IARS1: variants seen among roughly 807,000 people sequenced by gnomAD.
IARS1 encodes isoleucine--tRNA ligase, cytoplasmic.
IARS1 carries 124 observed loss-of-function variants against 168.2 expected under a neutral mutation model. The observed-to-expected ratio is 0.74, with a 90% confidence interval of 0.64 to 0.86. The LOEUF is 0.86. Ranked by LOEUF, IARS1 falls within the 40% of genes least tolerant of loss-of-function variation. The pLI is 0.00. For synonymous variants in IARS1, 532 were observed against 529.4 expected (o/e 1.00, Z -0.07); for missense variants, 1,452 against 1,515.8 (o/e 0.96, Z 0.70).
At chr9:92,243,191 G>A in intron 28 of IARS1, 25 bp downstream of exon 28, 1 of 1,573,278 alleles carries the variant, frequency 6.4e-7, no homozygotes. Flanking sequence ...CAAAACAGTA[G>A]CTTATTCTTA....
In IARS1 at chr9:92,287,896, A is replaced by G; in HGVS notation, c.291T>C (p.Asp97=). 6.2e-7 allele frequency: 1 copy of G among 1,613,880 alleles called. No individual in the cohort carries two copies. The highest frequency in any genetic ancestry group is 8.5e-7 in the Non-Finnish European group (1 of 1,179,920). Reference sequence around the variant, plus strand: ...CTGGTCCTCTGATTCCCAGTGTCTTATCAATTTCATATTCCTGAAAATTTG... The same window carrying G: ...CTGGTCCTCTGATTCCCAGTGTCTTGTCAATTTCATATTCCTGAAAATTTG... The part of the protein sequence containing the change: ...CHGLPVEYEI[D]KTLGIRGPED... Residue 97 remains aspartate (D), a synonymous_variant, in exon 4 of 34, where the codon GAT becomes GAC. Transcript: ENST00000443024.
At chr9:92,288,033 G>A in intron 3 of IARS1, 93 bp downstream of exon 3, 1 of 1,511,630 alleles carries the variant, frequency 6.6e-7, no homozygotes, top group Non-Finnish European at 9.1e-7. Flanking sequence ...AGGTCTGACA[G>A]TCAACGTTCA....
chr9:92,255,422 T>C (rs557076569), intron 20 of IARS1, among the ~76,000 whole-genome samples: 1 of 152,170 alleles, frequency 6.6e-6, no homozygotes, highest in Non-Finnish European at 1.5e-5. Flanking sequence ...TAACTGACTG[T>C]CTGAGGTGTC....
chr9:92,241,981 C>T (rs910048744), intron 29 of IARS1, among the ~76,000 whole-genome samples, 173 bp downstream of exon 29: 1 of 151,658 alleles, frequency 6.6e-6, no homozygotes, highest in African/African-American at 2.4e-5. Flanking sequence ...CTCCCTGCTC[C>T]ATCTTTTCTG....
rs1564172157 is a variant in IARS1, at chr9:92,252,294, AT to A, written c.2230-410del. The A allele has an allele frequency of 2.6e-5, 12 of 454,030 alleles. No individual in the cohort carries two copies. The East Asian group carries it at 4.0e-4, about 15-fold the overall frequency. 28.1% of individuals were successfully genotyped at this position (454,030 alleles called of 1,614,324 possible). A position where few individuals can be genotyped will look rare whatever the true frequency, so the allele number is the denominator to read the frequency against. On this transcript the variant is annotated intron_variant, in intron 21 of 33. Transcript: ENST00000443024. ...AAGTATATAATGTGTATTAAAAAAA[AT>A]ACCAATTCATTGAAATTTTTTCATT... is the stretch of plus-strand genomic sequence containing the variant.
At chr9:92,224,948 G>A (rs908621709) in intron 31 of IARS1, among the ~76,000 whole-genome samples, 1 of 152,158 alleles carries the variant, frequency 6.6e-6, no homozygotes, top group African/African-American at 2.4e-5. Flanking sequence ...CCCAGACTGG[G>A]AGGAAGAATA....
In IARS1 at chr9:92,259,076, G is replaced by T. The variant is rs1831158110; in HGVS notation, c.1872-78C>A. The T allele has an allele frequency of 5.5e-6, 7 of 1,283,628 alleles. No homozygotes were observed. In the Admixed American group the frequency reaches 1.6e-4, roughly 29 times the overall value. 79.5% of individuals were successfully genotyped at this position (1,283,628 alleles called of 1,614,324 possible). ...TATTACTACTCGACATATTGAGAGA[G>T]CAAGATGAAAATCAGTCCTATTTTC... On this transcript the variant is annotated intron_variant, in intron 18 of 33. Transcript: ENST00000443024.
chr9:92,257,826 C>T (rs1195239807), intron 19 of IARS1, among the ~76,000 whole-genome samples: 1 of 152,158 alleles, frequency 6.6e-6, no homozygotes, highest in African/African-American at 2.4e-5. Flanking sequence ...TTGTAAGGTG[C>T]TGGAGATCAG....
At chr9:92,266,097 C>T in intron 14 of IARS1, among the ~76,000 whole-genome samples, 1 of 152,330 alleles carries the variant, frequency 6.6e-6, no homozygotes, top group South Asian at 2.1e-4. Flanking sequence ...TCTGTTTCCA[C>T]CCCAGTATCA....
chr9:92,293,612 T>C lies in IARS1; in HGVS notation c.-9A>G, dbSNP rs1836763250. ...TCCTGCAGGGAAGAGAGGGCGTACC[T>C]GAGGGGCCTCGCGTGCCTGGACAGC... On this transcript the variant is annotated splice_region_variant and 5_prime_UTR_variant, in exon 1 of 34. Transcript: ENST00000443024. 1.1e-5 allele frequency: 4 copies of C among 354,612 alleles called. No individual in the cohort carries two copies. The highest frequency in any genetic ancestry group is 7.3e-5 in the East Asian group (1 of 13,618). The allele number at this position is 354,612 out of a possible 1,614,324, so 22.0% of individuals were successfully genotyped here. A position where few individuals can be genotyped will look rare whatever the true frequency, so the allele number is the denominator to read the frequency against.
At chr9:92,259,661 C>T (rs1252419538) in intron 18 of IARS1, among the ~76,000 whole-genome samples, 1 of 152,100 alleles carries the variant, frequency 6.6e-6, no homozygotes, top group African/African-American at 2.4e-5. Flanking sequence ...TCTCTAGGTC[C>T]CTTTCAACTT....
rs192396875 is a variant in IARS1, at chr9:92,220,671, A to C, written c.3706+1849T>G. On this transcript the variant is annotated intron_variant, in intron 33 of 33. Transcript: ENST00000443024. ...AACAAAAAACACGAATAGAATGAAA[A>C]TGGTAGAAATTAGGCAGGGTGTGGT... is the stretch of plus-strand genomic sequence containing the variant. Among the ~76,000 whole-genome samples, 9 of 152,224 alleles carry C rather than the reference A, an allele frequency of 5.9e-5. No homozygotes were observed. In the East Asian group the frequency reaches 1.7e-3, roughly 29 times the overall value.
intron 14 of IARS1, among the ~76,000 whole-genome samples, chr9:92,267,501 C>T (rs988013428): frequency 2.6e-5 from 4 of 152,124 alleles, no homozygotes; most frequent in African/African-American, 4.8e-5. Flanking sequence ...AACTAAGTGG[C>T]GTGCACCACC....
chr9:92,252,628 G>A (rs550058219), intron 21 of IARS1, among the ~76,000 whole-genome samples: 2 of 151,846 alleles, frequency 1.3e-5, no homozygotes, highest in East Asian at 1.9e-4. Flanking sequence ...TTGGCCAGGC[G>A]TGGTGGTGCA....
chr9:92,257,871 T>A (rs1830947584), intron 19 of IARS1, among the ~76,000 whole-genome samples: 1 of 152,098 alleles, frequency 6.6e-6, no homozygotes, highest in South Asian at 2.1e-4. Context: ...CCAAATCAGG[T>A]CTTGAAAGCC....
At chr9:92,231,290 T>A (rs1156462827) in intron 30 of IARS1, among the ~76,000 whole-genome samples, 1 of 152,196 alleles carries the variant, frequency 6.6e-6, no homozygotes, top group African/African-American at 2.4e-5. Flanking sequence ...TAAACTAGTG[T>A]GTTTTATATT....
intron 33 of IARS1, among the ~76,000 whole-genome samples, chr9:92,214,589 C>T (rs1370790708): frequency 1.3e-5 from 2 of 152,220 alleles, no homozygotes; most frequent in South Asian, 4.1e-4. Flanking sequence ...CGAAGCAGGG[C>T]GAGGCATTGC....
At chr9:92,262,057 A>C (rs1310259713) in intron 17 of IARS1, among the ~76,000 whole-genome samples, 1 of 137,754 alleles carries the variant, frequency 7.3e-6, no homozygotes. Flanking sequence ...GCCCTCAATA[A>C]AATTTTCAAT....
intron 5 of IARS1, chr9:92,286,077 C>T: frequency 2.4e-6 from 1 of 409,658 alleles, no homozygotes; most frequent in Non-Finnish European, 4.5e-6. Flanking sequence ...TTAAGAAAAG[C>T]AACTGGCAGG....
Sources: gnomAD v4.1 joint callset for allele counts (sites outside exome capture counted in the v4.1 genomes callset) on GRCh38, gnomAD v4.1.1 for gene constraint, MANE v1.5 for transcripts, NCBI Gene and HGNC (gene_info 2026-07-23, HGNC 2026-07-21) for gene names.